ZNF730: variants seen among roughly 807,000 people sequenced by gnomAD.
The protein encoded by ZNF730 is putative zinc finger protein 730.
A neutral mutation model predicts 12.6 loss-of-function variants in ZNF730; 12 were observed. The ratio of observed to expected loss-of-function variants is 0.95; its 90% CI spans 0.61 to 1.54. The LOEUF (loss-of-function observed/expected upper bound fraction) is 1.54, where lower values mean the gene tolerates loss of function less well. Among genes scored for constraint, ZNF730 ranks in the 40% most tolerant of loss-of-function variants. The pLI, the probability that ZNF730 is intolerant of heterozygous loss-of-function variation, is 0.00. For synonymous variants in ZNF730, 194 were observed against 195.8 expected, an observed-to-expected ratio of 0.99 and a Z score of 0.08; for missense variants, 643 against 583.5, an observed-to-expected ratio of 1.10 and a Z score of -1.05.
upstream of ZNF730, among the ~76,000 whole-genome samples, chr19:23,112,729 A>G (rs868731774): frequency 8.7e-6 from 1 of 114,346 alleles, no homozygotes; most frequent in African/African-American, 2.8e-5. Flanking sequence ...TCTCAAAAAA[A>G]TAGAAGAAAA....
intron 1 of ZNF730, among the ~76,000 whole-genome samples, chr19:23,109,640 G>A (rs1361187457): frequency 1.3e-5 from 2 of 152,004 alleles, no homozygotes; most frequent in African/African-American, 4.8e-5. Flanking sequence ...GACCTGACCT[G>A]GTTTTGAATT....
intron 1 of ZNF730, among the ~76,000 whole-genome samples, chr19:23,086,416 AG>A (rs1970065580): frequency 6.6e-6 from 1 of 152,038 alleles, no homozygotes. Flanking sequence ...GTTGTCTTTC[AG>A]GGTTTTTATA....
chr19:23,124,701 A>T (rs1053908628), intron 1 of ZNF730, among the ~76,000 whole-genome samples: 7 of 152,214 alleles, frequency 4.6e-5, no homozygotes, highest in African/African-American at 1.2e-4. Flanking sequence ...CATACAAGAG[A>T]TAATTTTGGT....
intron 1 of ZNF730, among the ~76,000 whole-genome samples, chr19:23,131,515 T>C (rs1473151945): frequency 6.6e-6 from 1 of 152,238 alleles, no homozygotes; most frequent in Non-Finnish European, 1.5e-5. Flanking sequence ...AAAAACATTG[T>C]TGCTTTCTGT....
At chr19:23,076,462 T>A (rs1969863575) in intron 1 of ZNF730, among the ~76,000 whole-genome samples, 1 of 152,136 alleles carries the variant, frequency 6.6e-6, no homozygotes, top group Admixed American at 6.5e-5. Context: ...CAGGGCCCTT[T>A]ACAGCAGCCC....
At position 23,135,922 on chromosome 19, in the gene ZNF730, G is replaced by A. The variant is rs758797352; in HGVS notation, c.131-26G>A. The A allele has an allele frequency of 8.8e-6, 14 of 1,586,374 alleles. No homozygotes were observed. The South Asian group carries it at 1.4e-4, about 16-fold the overall frequency. On this transcript the variant is annotated intron_variant, in intron 2 of 3. Transcript: ENST00000597761. ...GTTGGTAATTGGAGAATATGAGCAA[G>A]ATTCATGTTATTTTTCATAAAACAG... is the stretch of plus-strand genomic sequence containing the variant.
At chr19:23,100,898 C>T (rs568461880) in intron 1 of ZNF730, among the ~76,000 whole-genome samples, 1 of 152,172 alleles carries the variant, frequency 6.6e-6, no homozygotes, top group African/African-American at 2.4e-5. Flanking sequence ...TCGTGATCTG[C>T]CCACCTCAGC....
chr19:23,146,456 A>G lies in ZNF730; in HGVS notation c.1412A>G (p.Lys471Arg), dbSNP rs1971014495. Residue 471 changes from lysine to arginine, a missense_variant, in exon 4 of 4, where the codon AAG (lysine) becomes AGG (arginine). By Grantham distance (26) the Lys-to-Arg change is conservative. Coordinates refer to ENST00000597761, the MANE Select transcript of ZNF730 (RefSeq NM_001277403.2). ...CGGTCCTCAACCCTCACTACACATAAGATAATTCATTCTGGGGAAAAAATC... is the reference window on the plus strand; with the variant it reads ...CGGTCCTCAACCCTCACTACACATAGGATAATTCATTCTGGGGAAAAAATC... ...FNRSSTLTTHKIIHSGEKIYK... is the reference protein window; with the variant it reads ...FNRSSTLTTHRIIHSGEKIYK... 1.2e-6 allele frequency: 2 copies of G among 1,610,886 alleles called. No homozygotes were observed. Among genetic ancestry groups the G allele is most frequent in the Non-Finnish European group, 8.5e-7 (1 of 1,179,326 alleles).
At chr19:23,081,204 G>T (rs905344719) in intron 1 of ZNF730, among the ~76,000 whole-genome samples, 64 of 151,528 alleles carry the variant, frequency 4.2e-4, no homozygotes, top group Non-Finnish European at 6.5e-4. Flanking sequence ...GAGGGCAGTA[G>T]TGTGATCTCG....
rs1202984563 is a variant in ZNF730, at chr19:23,145,605, C to T, written c.561C>T (p.His187=). 1.3e-6 allele frequency: 2 copies of T among 1,546,080 alleles called. No homozygotes were observed. The highest frequency in any genetic ancestry group is 2.0e-5 in the Admixed American group (1 of 48,952). Residue 187 remains histidine, a synonymous_variant, in exon 4 of 4, where the codon CAC becomes CAT. Coordinates refer to ENST00000597761, the MANE Select transcript of ZNF730 (RefSeq NM_001277403.2). ...GAAAATTATTTTGCATTCTTTCACA[C>T]TTAGCTCAACATAAAAAAATTCATA... ...ECGKLFCILS[H]LAQHKKIHTG... is the part of the protein sequence containing the mutation.
At chr19:23,107,469 A>C (rs1970408300) in intron 1 of ZNF730, among the ~76,000 whole-genome samples, 1 of 149,022 alleles carries the variant, frequency 6.7e-6, no homozygotes, top group Non-Finnish European at 1.5e-5. Context: ...AAAAAAAAAA[A>C]AAAAAACCAC....
At chr19:23,128,103 T>G in intron 1 of ZNF730, 1 of 857,940 alleles carries the variant, frequency 1.2e-6, no homozygotes, top group Non-Finnish European at 2.0e-6. Context: ...TCACCTGCTA[T>G]TTGGATGTAG....
chr19:23,126,862 T>G, intron 1 of ZNF730: 3 of 532,188 alleles, frequency 5.6e-6, no homozygotes, highest in South Asian at 4.5e-5. Context: ...GACCTAGACC[T>G]TCAATACAGG....
intron 1 of ZNF730, among the ~76,000 whole-genome samples, chr19:23,094,475 T>TTTTA (rs1970217734): frequency 7.0e-6 from 1 of 143,740 alleles, no homozygotes; most frequent in South Asian, 2.2e-4. Context: ...ATAAATAAGT[T>TTTTA]TTCATTTATT....
At chr19:23,099,585 C>A (rs1270192376) in intron 1 of ZNF730, among the ~76,000 whole-genome samples, 3 of 152,168 alleles carry the variant, frequency 2.0e-5, no homozygotes, top group African/African-American at 7.2e-5. Flanking sequence ...AACCAAAATT[C>A]AGCACACCTT....
chr19:23,120,970 C>T (rs1970591370), intron 1 of ZNF730, among the ~76,000 whole-genome samples: 1 of 152,166 alleles, frequency 6.6e-6, no homozygotes, highest in South Asian at 2.1e-4. Flanking sequence ...AAGTCATTCA[C>T]ATGCAGATTC....
At chr19:23,140,439 A>G (rs1257324041) in intron 3 of ZNF730, among the ~76,000 whole-genome samples, 5 of 150,816 alleles carry the variant, frequency 3.3e-5, no homozygotes, top group Non-Finnish European at 7.4e-5. Context: ...GTGAGACCCC[A>G]TCTCTACTGA....
At chr19:23,101,124 A>G (rs751362986) in intron 1 of ZNF730, among the ~76,000 whole-genome samples, 4 of 152,238 alleles carry the variant, frequency 2.6e-5, no homozygotes, top group Non-Finnish European at 5.9e-5. Flanking sequence ...TGCATATTGT[A>G]TAAATCATCA....
chr19:23,136,691 G>A (rs373071922), intron 3 of ZNF730, among the ~76,000 whole-genome samples: 37 of 148,620 alleles, frequency 2.5e-4, no homozygotes, highest in African/African-American at 7.4e-4. Context: ...TATTACTATA[G>A]TTTTGAAATA....
Sources: allele counts gnomAD v4.1 joint callset (sites outside exome capture counted in the v4.1 genomes callset), GRCh38; gene constraint gnomAD v4.1.1; transcripts MANE v1.5; gene names NCBI Gene and HGNC (gene_info 2026-07-23, HGNC 2026-07-21).